The following COX7B2 variants were observed in gnomAD, a reference collection of about 807,000 sequenced individuals.
COX7B2 encodes the protein cytochrome c oxidase subunit 7B2.
For missense variants in COX7B2, 109 were observed against 95.9 expected (o/e 1.14, Z -0.57); for synonymous variants, 37 against 32.1 (o/e 1.15, Z -0.51).
chr4:46,898,493 C>T (rs767352955), intron 1 of COX7B2, among the ~76,000 whole-genome samples: 1 of 152,168 alleles, frequency 6.6e-6, no homozygotes, highest in African/African-American at 2.4e-5. Flanking sequence ...TCATGGCTCA[C>T]CGCAACCTCA....
chr4:46,803,180 T>C (rs915546219), intron 2 of COX7B2, among the ~76,000 whole-genome samples: 1 of 152,136 alleles, frequency 6.6e-6, no homozygotes, highest in African/African-American at 2.4e-5. Context: ...TGTGATTCTA[T>C]GGGTTGTAGC....
rs551625078 is a variant in COX7B2, at chr4:46,783,733, C to CA, written c.-49-48493dup. Among the ~76,000 whole-genome samples the CA allele has an allele frequency of 3.5e-3, 528 of 150,468 alleles. 3 individuals are homozygous for CA. The highest frequency in any genetic ancestry group is 0.012 in the African/African-American group (487 of 40,872). ...TGAACAAAAGTCAAACTAGCTTAAA[C>CA]AAAAAGGGAAGGGCAGGGCAGGAAA... On this transcript the variant is annotated intron_variant, in intron 2 of 2. Coordinates refer to ENST00000355591, the MANE Select transcript of COX7B2 (RefSeq NM_130902.3).
intron 1 of COX7B2, among the ~76,000 whole-genome samples, chr4:46,883,885 A>G (rs564054678): frequency 6.6e-6 from 1 of 152,266 alleles, no homozygotes; most frequent in African/African-American, 2.4e-5. Context: ...TCTTCTCCTT[A>G]TAAATCATCC....
intron 2 of COX7B2, among the ~76,000 whole-genome samples, chr4:46,772,370 A>T (rs992583832): frequency 1.3e-5 from 2 of 152,174 alleles, no homozygotes; most frequent in Admixed American, 6.5e-5. Flanking sequence ...TCAAATGTGC[A>T]GCATGGGCAA....
rs1477954623 is a variant in COX7B2 at position 46,785,296 on chromosome 4, A to T, written c.-49-50055T>A. 3.9e-5 allele frequency among the ~76,000 whole-genome samples: 6 copies of T among 152,286 alleles called. No individual in the cohort carries two copies. The South Asian group carries it at 6.2e-4, about 16-fold the overall frequency. ...ACTACCAAATATTTAAAACTAATAC[A>T]ATACTGCTTTCATTAAAAAAAACTC... On this transcript the variant is annotated intron_variant, in intron 2 of 2. Transcript: ENST00000355591.
chr4:46,885,353 G>A (rs1719019996), intron 1 of COX7B2, among the ~76,000 whole-genome samples: 1 of 152,042 alleles, frequency 6.6e-6, no homozygotes, highest in Non-Finnish European at 1.5e-5. Flanking sequence ...GTAGGTAATA[G>A]AAATATAAAA....
chr4:46,830,549 AC>A (rs1462327947), intron 2 of COX7B2, among the ~76,000 whole-genome samples: 4 of 152,286 alleles, frequency 2.6e-5, no homozygotes, highest in Non-Finnish European at 5.9e-5. Context: ...GTCTAAAAAA[AC>A]ATATGAAAAT....
At chr4:46,771,240 TGCACATC>T (rs1716860228) in intron 2 of COX7B2, among the ~76,000 whole-genome samples, 1 of 152,098 alleles carries the variant, frequency 6.6e-6, no homozygotes, top group Non-Finnish European at 1.5e-5. Flanking sequence ...ATCAGAGAAA[TGCACATC>T]AAAACTATAA....
At chr4:46,828,079 C>A (rs143815795) in intron 2 of COX7B2, among the ~76,000 whole-genome samples, 234 of 152,174 alleles carry the variant, frequency 1.5e-3, no homozygotes, top group African/African-American at 5.3e-3. Flanking sequence ...CTGCATTTTA[C>A]TGTATATGAA....
chr4:46,803,721 T>A (rs1475359545), intron 2 of COX7B2, among the ~76,000 whole-genome samples: 1 of 144,778 alleles, frequency 6.9e-6, no homozygotes, highest in East Asian at 2.1e-4. Context: ...AAATTAAGCC[T>A]GGTTTACTTT....
intron 2 of COX7B2, among the ~76,000 whole-genome samples, chr4:46,768,068 A>G (rs545626767): frequency 1.3e-5 from 2 of 152,342 alleles, no homozygotes; most frequent in Admixed American, 6.5e-5. Context: ...GGCGTGTGCT[A>G]CAGCATGCTC....
chr4:46,735,298 T>C, intron 2 of COX7B2, 57 bp from the exon 3 acceptor site: 1 of 1,291,266 alleles, frequency 7.7e-7, no homozygotes, highest in Non-Finnish European at 1.1e-6. Context: ...TTCCTTCCGC[T>C]TTGAATGTCT....
intron 2 of COX7B2, among the ~76,000 whole-genome samples, chr4:46,809,150 T>G (rs1719157621): frequency 6.6e-6 from 1 of 151,880 alleles, no homozygotes; most frequent in Admixed American, 6.6e-5. Flanking sequence ...ATTTGTAAAG[T>G]GTCTGCAGTA....
chr4:46,876,340 C>A (rs1718330456), intron 1 of COX7B2, among the ~76,000 whole-genome samples: 1 of 151,016 alleles, frequency 6.6e-6, no homozygotes, highest in East Asian at 1.9e-4. Flanking sequence ...TTCATTGTAT[C>A]TCTTTATAAA....
chr4:46,782,053 C>T (rs970293453), intron 2 of COX7B2, among the ~76,000 whole-genome samples: 2 of 152,286 alleles, frequency 1.3e-5, no homozygotes, highest in Admixed American at 6.5e-5. Flanking sequence ...GGGCACGTGG[C>T]GCGGACTGGT....
At chr4:46,851,213 G>C (rs992098380) in intron 1 of COX7B2, among the ~76,000 whole-genome samples, 3 of 151,994 alleles carry the variant, frequency 2.0e-5, no homozygotes, top group African/African-American at 7.2e-5. Flanking sequence ...GAGATAACTT[G>C]AGCAAGTATT....
chr4:46,873,675 T>C (rs1243325319), intron 1 of COX7B2, among the ~76,000 whole-genome samples: 1 of 152,220 alleles, frequency 6.6e-6, no homozygotes. Flanking sequence ...ATTACTATTT[T>C]TTTTAATTAT....
At chr4:46,852,963 A>G (rs1307984154) in intron 1 of COX7B2, among the ~76,000 whole-genome samples, 1 of 152,208 alleles carries the variant, frequency 6.6e-6, no homozygotes. Flanking sequence ...CTTACAGAGA[A>G]CATATGTATG....
chr4:46,840,675 T>C (rs1715872024), intron 2 of COX7B2, among the ~76,000 whole-genome samples: 1 of 152,000 alleles, frequency 6.6e-6, no homozygotes. Context: ...ATGAGCTTCA[T>C]AAATAATGCT....
Sources: allele counts gnomAD v4.1 joint callset (sites outside exome capture counted in the v4.1 genomes callset), GRCh38; gene constraint gnomAD v4.1.1; transcripts MANE v1.5; gene names NCBI Gene and HGNC (gene_info 2026-07-23, HGNC 2026-07-21).